Variants in WWOX observed in about 807,000 individuals in gnomAD.
WWOX encodes the protein WW domain containing oxidoreductase.
A neutral mutation model predicts 46.2 loss-of-function variants in WWOX; 69 were observed. The ratio of observed to expected loss-of-function variants is 1.49; its 90% CI spans 1.23 to 1.82. The LOEUF is 1.82. Among genes scored for constraint, WWOX ranks in the 40% most tolerant of loss-of-function variants. The pLI is 0.00. For missense variants in WWOX, 919 were observed against 542.6 expected (o/e 1.69, Z -6.89); for synonymous variants, 359 against 202.6 (o/e 1.77, Z -6.56).
intron 8 of WWOX, among the ~76,000 whole-genome samples, chr16:78,950,135 T>C (rs1331392766): frequency 6.6e-6 from 1 of 152,158 alleles, no homozygotes; most frequent in African/African-American, 2.4e-5. Context: ...GTATTTTGGT[T>C]CAAAAAGAGA....
At chr16:79,043,331 A>G (rs1406432952) in intron 8 of WWOX, among the ~76,000 whole-genome samples, 1 of 152,226 alleles carries the variant, frequency 6.6e-6, no homozygotes, top group African/African-American at 2.4e-5. Flanking sequence ...GATTAAAAAA[A>G]TGGTTTTTGA....
chr16:79,132,544 C>T (rs191642711), intron 8 of WWOX, among the ~76,000 whole-genome samples: 5 of 152,142 alleles, frequency 3.3e-5, no homozygotes, highest in African/African-American at 1.2e-4. Flanking sequence ...GAGTTTGTTT[C>T]TTGATCTCGA....
chr16:78,977,879 T>C (rs2151330163), intron 8 of WWOX, among the ~76,000 whole-genome samples: 1 of 152,312 alleles, frequency 6.6e-6, no homozygotes, highest in East Asian at 1.9e-4. Context: ...TTTCCCCTAC[T>C]TTTAAAAAAT....
At chr16:79,056,160 T>C (rs924727464) in intron 8 of WWOX, among the ~76,000 whole-genome samples, 1 of 152,026 alleles carries the variant, frequency 6.6e-6, no homozygotes, top group Non-Finnish European at 1.5e-5. Context: ...CCTGTCTTTT[T>C]ACTAAAGTTT....
intron 8 of WWOX, among the ~76,000 whole-genome samples, chr16:79,122,926 T>C (rs1396074816): frequency 6.6e-6 from 1 of 152,214 alleles, no homozygotes; most frequent in African/African-American, 2.4e-5. Flanking sequence ...GAGGCAGCAA[T>C]GGGACCCTTG....
At chr16:79,155,302 G>A (rs554940644) in intron 8 of WWOX, among the ~76,000 whole-genome samples, 7 of 152,272 alleles carry the variant, frequency 4.6e-5, no homozygotes, top group African/African-American at 1.7e-4. Context: ...CTTGAACCAG[G>A]GAGGAAGAGG....
At chr16:78,213,573 G>A (rs1362000058) in intron 5 of WWOX, among the ~76,000 whole-genome samples, 1 of 151,632 alleles carries the variant, frequency 6.6e-6, no homozygotes, top group Non-Finnish European at 1.5e-5. Context: ...GAAAATAATT[G>A]GTCAGATATT....
chr16:78,118,717 A>G (rs899588632), intron 4 of WWOX, among the ~76,000 whole-genome samples: 5 of 152,128 alleles, frequency 3.3e-5, no homozygotes, highest in Non-Finnish European at 5.9e-5. Context: ...CTGCTATGTT[A>G]GATACTCCAG....
intron 6 of WWOX, among the ~76,000 whole-genome samples, chr16:78,394,513 G>C (rs1052851305): frequency 6.6e-6 from 1 of 152,080 alleles, no homozygotes; most frequent in Non-Finnish European, 1.5e-5. Context: ...AACTTTTTCA[G>C]CATTCAGTCT....
At chr16:78,541,623 G>C (rs1449348545) in intron 8 of WWOX, among the ~76,000 whole-genome samples, 1 of 151,712 alleles carries the variant, frequency 6.6e-6, no homozygotes, top group East Asian at 1.9e-4. Flanking sequence ...AACTTGGCCA[G>C]ACAGACCTGG....
intron 8 of WWOX, among the ~76,000 whole-genome samples, chr16:78,752,715 G>A (rs1459291285): frequency 2.0e-5 from 3 of 152,170 alleles, no homozygotes; most frequent in Non-Finnish European, 4.4e-5. Flanking sequence ...GCCCTGCTTT[G>A]TGCTAATGAG....
intron 8 of WWOX, among the ~76,000 whole-genome samples, chr16:78,904,868 C>G (rs1322591386): frequency 6.6e-6 from 1 of 151,994 alleles, no homozygotes; most frequent in African/African-American, 2.4e-5. Context: ...ATTTTTTCTC[C>G]TTTTAAAGAA....
At chr16:78,810,112 T>TG (rs1350869902) in intron 8 of WWOX, among the ~76,000 whole-genome samples, 2 of 152,202 alleles carry the variant, frequency 1.3e-5, no homozygotes, top group Non-Finnish European at 2.9e-5. Flanking sequence ...ATTAAGAGTA[T>TG]GGGGAAGAGG....
At chr16:79,029,089 C>T (rs1020602742) in intron 8 of WWOX, among the ~76,000 whole-genome samples, 2 of 149,042 alleles carry the variant, frequency 1.3e-5, no homozygotes, top group East Asian at 1.9e-4. Flanking sequence ...TCCATTTGGG[C>T]AAACAGGCCA....
intron 8 of WWOX, among the ~76,000 whole-genome samples, chr16:78,480,279 T>A (rs1028803789): frequency 7.2e-5 from 11 of 152,242 alleles, no homozygotes; most frequent in African/African-American, 2.4e-4. Flanking sequence ...AGTAGAATGC[T>A]CTTTTGGATA....
chr16:78,444,192 T>G (rs528964595), intron 8 of WWOX, among the ~76,000 whole-genome samples: 1 of 152,224 alleles, frequency 6.6e-6, no homozygotes, highest in Non-Finnish European at 1.5e-5. Flanking sequence ...TGCCGGGCTC[T>G]GTGGTCATGG....
At chr16:78,850,601 A>G (rs1021618571) in intron 8 of WWOX, among the ~76,000 whole-genome samples, 1 of 152,108 alleles carries the variant, frequency 6.6e-6, no homozygotes, top group Non-Finnish European at 1.5e-5. Flanking sequence ...TTGGAGTTCC[A>G]CTGCTACTTC....
At chr16:78,972,331 G>A (rs551203971) in intron 8 of WWOX, among the ~76,000 whole-genome samples, 2 of 152,252 alleles carry the variant, frequency 1.3e-5, no homozygotes, top group South Asian at 2.1e-4. Flanking sequence ...ATCCAGGAGG[G>A]CTTTATTGGA....
chr16:78,481,645 A>AAGAT (rs1555547226), intron 8 of WWOX, among the ~76,000 whole-genome samples: 5,146 of 148,800 alleles, frequency 0.035, 293 homozygotes, highest in African/African-American at 0.11. Context: ...GAAAAAAAAA[A>AAGAT]AGAATGTTTT....
Sources: gnomAD v4.1 joint callset for allele counts (sites outside exome capture counted in the v4.1 genomes callset) on GRCh38, gnomAD v4.1.1 for gene constraint, MANE v1.5 for transcripts, NCBI Gene and HGNC (gene_info 2026-07-23, HGNC 2026-07-21) for gene names.